TRIM27: variants seen among roughly 807,000 people sequenced by gnomAD.
The protein encoded by TRIM27 is tripartite motif containing 27.
TRIM27 carries 12 observed loss-of-function variants against 57.6 expected under a neutral mutation model. The observed-to-expected ratio is 0.21, with a 90% confidence interval of 0.13 to 0.34. TRIM27 has a LOEUF of 0.34. TRIM27 is among the 10% of genes least tolerant of loss of function. The pLI is 1.00. For missense variants in TRIM27, 403 were observed against 656.8 expected (o/e 0.61, Z 4.22); for synonymous variants, 266 against 259.0 (o/e 1.03, Z -0.26).
At chr6:28,922,062 A>ATG in intron 1 of TRIM27, 75 bp from the exon 2 acceptor site, 1 of 1,116,458 alleles carries the variant, frequency 9.0e-7, no homozygotes, top group South Asian at 1.2e-5. Flanking sequence ...CTTATCACAC[A>ATG]TGGAGTCCAC....
At chr6:28,923,148 C>A (rs1418006028) in intron 1 of TRIM27, 65 bp downstream of exon 1, 5 of 1,444,094 alleles carry the variant, frequency 3.5e-6, no homozygotes, top group African/African-American at 2.9e-5. Context: ...AAAAAGGAAG[C>A]CCCTTTGGCT....
At chr6:28,917,014 C>T (rs1337184565) in intron 3 of TRIM27, among the ~76,000 whole-genome samples, 3 of 151,974 alleles carry the variant, frequency 2.0e-5, no homozygotes, top group Non-Finnish European at 1.5e-5. Flanking sequence ...TGGTGGTTTA[C>T]GCCTGTAGTC....
chr6:28,904,190 GAAGT>G lies in TRIM27; in HGVS notation c.1418_1421del (p.Tyr473SerfsTer3). On this transcript the variant is annotated frameshift_variant, in exon 8 of 8. Transcript: ENST00000377199. LOFTEE classifies it high-confidence loss of function. This position sits in a 1 kb window ranked among gnomAD's most constrained non-coding sequence, Gnocchi z 6.1. ...TTTTCCCTCCCGAGTAACTCAGACT[GAAGT>G]AGGGCCGGACAGGCCCACAAAAGGT... 1 of 1,613,104 alleles carries G rather than the reference GAAGT, an allele frequency of 6.2e-7. No individual in the cohort carries two copies. Among genetic ancestry groups the G allele is most frequent in the Non-Finnish European group, 8.5e-7 (1 of 1,180,038 alleles).
At chr6:28,915,615 A>C (rs1396783154) in intron 3 of TRIM27, 1 of 152,232 alleles carries the variant, frequency 6.6e-6, no homozygotes, top group Non-Finnish European at 1.5e-5. Flanking sequence ...AAAAATTTAA[A>C]AAAAGGTTTT....
intron 3 of TRIM27, among the ~76,000 whole-genome samples, chr6:28,916,125 C>T (rs1773582849): frequency 6.6e-6 from 1 of 151,934 alleles, no homozygotes; most frequent in African/African-American, 2.4e-5. Flanking sequence ...CCATGTTGGC[C>T]AGGCTGGTCT....
At chr6:28,914,351 T>C (rs1253712617) in intron 3 of TRIM27, among the ~76,000 whole-genome samples, 1 of 151,796 alleles carries the variant, frequency 6.6e-6, no homozygotes, top group Non-Finnish European at 1.5e-5. Context: ...GCCAGGCTGG[T>C]CTCAAACTCC....
Position 28,920,273 on chromosome 6 carries a change from A to T in TRIM27, c.517-31T>A, listed in dbSNP as rs373245585. 56 of 1,543,186 alleles carry T rather than the reference A, an allele frequency of 3.6e-5. No individual in the cohort carries two copies. In the African/African-American group the frequency reaches 7.1e-4, roughly 20 times the overall value. On this transcript the variant is annotated intron_variant, in intron 2 of 7. Coordinates refer to ENST00000377199, the MANE Select transcript of TRIM27 (RefSeq NM_006510.5). ...CAGACGACAGGGAAAGGCAGTAAAG[A>T]GAAAAACGGCTCATTTCTAGGGCCT...
At chr6:28,912,173 G>A (rs1387821251) in intron 3 of TRIM27, among the ~76,000 whole-genome samples, 1 of 150,048 alleles carries the variant, frequency 6.7e-6, no homozygotes, top group African/African-American at 2.5e-5. Flanking sequence ...GCAATGGCGC[G>A]ATCTTGGCTC....
chr6:28,913,539 G>C (rs1037426293), intron 3 of TRIM27, among the ~76,000 whole-genome samples: 47 of 151,758 alleles, frequency 3.1e-4, no homozygotes, highest in Non-Finnish European at 1.3e-4. Flanking sequence ...CCTCCAAAAG[G>C]GTCATGATTT....
At chr6:28,913,476 T>C (rs1773368696) in intron 3 of TRIM27, among the ~76,000 whole-genome samples, 1 of 151,936 alleles carries the variant, frequency 6.6e-6, no homozygotes, top group South Asian at 2.1e-4. Flanking sequence ...ATTCTAACTG[T>C]GTGTATACAT....
At position 28,907,838 on chromosome 6, in the gene TRIM27, T is replaced by C. The variant is rs563279359; in HGVS notation, c.920-576A>G. Reference sequence around the variant, plus strand: ...ATTATCCACTGTATTGAGTGGAGTTTCTCCCCATTTGTCTTGCTTGTAGAG... The same window carrying C: ...ATTATCCACTGTATTGAGTGGAGTTCCTCCCCATTTGTCTTGCTTGTAGAG... On this transcript the variant is annotated intron_variant, in intron 6 of 7. Coordinates refer to ENST00000377199, the MANE Select transcript of TRIM27 (RefSeq NM_006510.5). 107 of 331,176 alleles carry C rather than the reference T, an allele frequency of 3.2e-4. 2 individuals are homozygous for C. In the South Asian group the frequency reaches 3.6e-3, roughly 11 times the overall value. 20.5% of individuals were successfully genotyped at this position (331,176 alleles called of 1,614,324 possible).
chr6:28,914,020 T>A (rs1773413660), intron 3 of TRIM27, among the ~76,000 whole-genome samples: 1 of 146,218 alleles, frequency 6.8e-6, no homozygotes, highest in East Asian at 2.0e-4. Context: ...GTAGCCTACC[T>A]ATGTTTTTTT....
In TRIM27 at chr6:28,914,581, T is replaced by TGGG. The variant is rs9280508; in HGVS notation, c.748-2866_748-2864dup. On this transcript the variant is annotated intron_variant, in intron 3 of 7. Transcript: ENST00000377199. ...GGTATTTTTATTGAAATTGCAAGGG[T>TGGG]GGGGGGGGGGGGATGAGGGATAACA... Among the ~76,000 whole-genome samples, 142 of 38,938 alleles carry TGGG rather than the reference T, an allele frequency of 3.6e-3. 1 individual carries two copies. The highest frequency in any genetic ancestry group is 0.011 in the South Asian group (10 of 880). 25.5% of individuals were successfully genotyped at this position (38,938 alleles called of 152,430 possible).
At chr6:28,919,439 G>A (rs1581514707) in intron 3 of TRIM27, among the ~76,000 whole-genome samples, 1 of 152,196 alleles carries the variant, frequency 6.6e-6, no homozygotes, top group Non-Finnish European at 1.5e-5. Flanking sequence ...CTGACACAAA[G>A]CAAATAATTA....
intron 6 of TRIM27, 122 bp downstream of exon 6, chr6:28,908,686 T>G (rs780172198): frequency 7.3e-5 from 60 of 827,528 alleles, no homozygotes; most frequent in Non-Finnish European, 1.1e-4. Flanking sequence ...AGGGAAGATG[T>G]AAAATATCAG....
rs1774255592 is a variant in TRIM27 at position 28,923,727 on chromosome 6, G to C, written c.-95C>G. 7.5e-7 allele frequency: 1 copy of C among 1,341,504 alleles called. No individual in the cohort carries two copies. Among genetic ancestry groups the C allele is most frequent in the Non-Finnish European group, 9.9e-7 (1 of 1,011,634 alleles). The allele number at this position is 1,341,504 out of a possible 1,614,324, so 83.1% of individuals were successfully genotyped here. On this transcript the variant is annotated 5_prime_UTR_variant, in exon 1 of 8. Transcript: ENST00000377199. ...GCGCTCTCTCCGGTTCGCTGTTCCT[G>C]AGAGGCACCGGGCGGACGGAGGGCG... is the stretch of plus-strand genomic sequence containing the variant.
At chr6:28,905,040 G>A (rs1474820031) in intron 7 of TRIM27, 1 of 219,636 alleles carries the variant, frequency 4.6e-6, no homozygotes, top group Non-Finnish European at 9.1e-6. Flanking sequence ...AGACACCCAA[G>A]TAGCTGGGAC....
At chr6:28,906,294 C>G (rs1772765015) in intron 7 of TRIM27, 1 of 152,110 alleles carries the variant, frequency 6.6e-6, no homozygotes, top group African/African-American at 2.4e-5. Flanking sequence ...ACATCTTGTT[C>G]AGGAGGAAGA....
chr6:28,911,745 C>G, intron 3 of TRIM27, 27 bp from the exon 4 acceptor site: 1 of 1,609,344 alleles, frequency 6.2e-7, no homozygotes, highest in Non-Finnish European at 8.5e-7. Context: ...AAAAAATAAC[C>G]ATGAGAAGTC....
Sources: allele counts gnomAD v4.1 joint callset (sites outside exome capture counted in the v4.1 genomes callset), GRCh38; gene constraint gnomAD v4.1.1; non-coding constraint Gnocchi (gnomAD v3.1); transcripts MANE v1.5; gene names NCBI Gene and HGNC (gene_info 2026-07-23, HGNC 2026-07-21).